Variants in ITGAE observed in about 807,000 individuals in gnomAD.
ITGAE encodes the protein integrin alpha-E.
In ITGAE, 99 loss-of-function variants were observed where a neutral mutation model predicts 136.5. That is an observed-to-expected ratio of 0.73 (90% CI 0.62 to 0.86). The LOEUF (loss-of-function observed/expected upper bound fraction) is 0.86, where lower values mean the gene tolerates loss of function less well. Among genes scored for constraint, ITGAE ranks in the 40% least tolerant of loss-of-function variants. The probability of loss-of-function intolerance (pLI) is 0.00; values close to 1 mark genes in which losing one functional copy is unlikely to be tolerated. For synonymous variants in ITGAE, 613 were observed against 591.8 expected, an observed-to-expected ratio of 1.04 and a Z score of -0.52; for missense variants, 1,447 against 1,515.3, an observed-to-expected ratio of 0.95 and a Z score of 0.75.
At chr17:3,797,140 A>AATATATAT (rs10538298) in intron 1 of ITGAE, among the ~76,000 whole-genome samples, 44 of 70,998 alleles carry the variant, frequency 6.2e-4, no homozygotes, top group East Asian at 1.9e-3. Flanking sequence ...CTGGAAACTA[A>AATATATAT]ATATATATAT....
rs751873559 is a variant in ITGAE, at chr17:3,761,495, C to T, written c.341G>A (p.Arg114Gln). Residue 114 changes from arginine (R) to glutamine (Q), a missense_variant, in exon 5 of 31, where the codon CGG becomes CAG. Around this residue, in one of 3 missense-constraint regions of ITGAE, gnomAD observed 310 missense variants for 416.1 expected, o/e 0.74. Coordinates refer to ENST00000263087, the MANE Select transcript of ITGAE (RefSeq NM_002208.5). ...GAGTTCTGAGCTGAGGCTGTGAGGC[C>T]GCCGGACCAGCACTTGAATGCATAT... ...VLICIQVLVR[R>Q]PHSLSSELTG... The T allele has an allele frequency of 2.7e-5, 43 of 1,613,692 alleles. No homozygotes were observed. The highest frequency in any genetic ancestry group is 8.3e-5 in the Admixed American group (5 of 59,956).
At chr17:3,778,572 A>G (rs1271671366) in intron 1 of ITGAE, among the ~76,000 whole-genome samples, 1 of 152,138 alleles carries the variant, frequency 6.6e-6, no homozygotes, top group African/African-American at 2.4e-5. Flanking sequence ...CAAAACAACA[A>G]CAACAAATAT....
chr17:3,795,568 G>A (rs989914675), intron 1 of ITGAE, among the ~76,000 whole-genome samples: 2 of 152,230 alleles, frequency 1.3e-5, no homozygotes, highest in Non-Finnish European at 1.5e-5. Context: ...GTTTATGCCC[G>A]ATTTCAAAGC....
Position 3,761,996 on chromosome 17 carries a change from G to A in ITGAE, c.248-14C>T. The A allele has an allele frequency of 6.2e-7, 1 of 1,612,250 alleles. No homozygotes were observed. Among genetic ancestry groups the A allele is most frequent in the East Asian group, 2.2e-5 (1 of 44,868 alleles). ...TGGGGACATGCTCTGAAAAAGTTAA[G>A]CCCAGGTGAGGAGGAGGAGGGGACT... On this transcript the variant is annotated splice_polypyrimidine_tract_variant and intron_variant, in intron 3 of 30. Coordinates refer to ENST00000263087, the MANE Select transcript of ITGAE (RefSeq NM_002208.5).
chr17:3,755,090 G>GCCCTCATCAGGTGGCCCCC, intron 12 of ITGAE, 27 bp downstream of exon 12: 10 of 1,416,506 alleles, frequency 7.1e-6, no homozygotes, highest in Non-Finnish European at 8.4e-6. Flanking sequence ...AGGTGGCCCC[G>GCCCTCATCAGGTGGCCCCC]CCCTCATCAG....
chr17:3,724,301 C>G lies in ITGAE; in HGVS notation c.3085-557G>C. 5 of 1,587,564 alleles carry G rather than the reference C, an allele frequency of 3.1e-6. 1 individual carries two copies. The South Asian group carries it at 4.5e-5, about 14-fold the overall frequency. On this transcript the variant is annotated intron_variant, in intron 26 of 30. Transcript: ENST00000263087. Reference sequence around the variant, plus strand: ...GACGCCTGGGGCTGCGAGCTCGGCCCCCGCAGAAGTGCAGCACACCCTGCG... The same window carrying G: ...GACGCCTGGGGCTGCGAGCTCGGCCGCCGCAGAAGTGCAGCACACCCTGCG...
chr17:3,753,974 G>T, intron 12 of ITGAE, 49 bp from the exon 13 acceptor site: 1 of 1,591,294 alleles, frequency 6.3e-7, no homozygotes, highest in Non-Finnish European at 8.6e-7. Flanking sequence ...CTCCCACCTG[G>T]CCTCTCTCTT....
rs138903195 is a variant in ITGAE, at chr17:3,778,329, G to A, written c.35-669C>T. On this transcript the variant is annotated intron_variant, in intron 1 of 30. Transcript: ENST00000263087. ...TGTAATCCCAGCACTTTGGGAGGCC[G>A]AGGCGGCTGGATCACTTGAGGTCAG... Among the ~76,000 whole-genome samples, 49 of 152,242 alleles carry A rather than the reference G, an allele frequency of 3.2e-4. 1 individual carries two copies. In the East Asian group the frequency reaches 7.9e-3, roughly 25 times the overall value.
chr17:3,761,472 GT>G lies in ITGAE; in HGVS notation c.363del (p.Glu121AspfsTer51). On this transcript the variant is annotated frameshift_variant, in exon 5 of 31. Transcript: ENST00000263087. LOFTEE classifies it high-confidence loss of function. ...CCCAGGAGGCTACAGGTGCCTGTGA[GT>G]TCTGAGCTGAGGCTGTGAGGCCGCC... ...LVRRPHSLSS[E>X]LTGTCSLLGP... 6.2e-7 allele frequency: 1 copy of G among 1,614,096 alleles called. No individual in the cohort carries two copies. The highest frequency in any genetic ancestry group is 8.5e-7 in the Non-Finnish European group (1 of 1,180,022).
intron 12 of ITGAE, among the ~76,000 whole-genome samples, chr17:3,754,359 C>A (rs990312779): frequency 6.6e-6 from 1 of 152,306 alleles, no homozygotes; most frequent in African/African-American, 2.4e-5. Flanking sequence ...GCAACCTCCC[C>A]CTCCCGGGTT....
Position 3,763,892 on chromosome 17 carries a change from TC to T in ITGAE, c.223del (p.Asp75MetfsTer8). 1 of 1,613,934 alleles carries T rather than the reference TC, an allele frequency of 6.2e-7. No individual in the cohort carries two copies. The highest frequency in any genetic ancestry group is 8.5e-7 in the Non-Finnish European group (1 of 1,179,980). On this transcript the variant is annotated frameshift_variant, in exon 3 of 31. Transcript: ENST00000263087. LOFTEE classifies it high-confidence loss of function. ...ACCTACAGGATGGCAAAGGATTTCA[TC>T]CTGGACAAGGGAACATCGATGGAGG... ...GPLHRCSLVQDEILCHPVEHV... is the reference protein window; with the variant it reads ...GPLHRCSLVQXEILCHPVEHV...
intron 28 of ITGAE, among the ~76,000 whole-genome samples, chr17:3,722,994 A>G (rs926651710): frequency 2.0e-5 from 3 of 152,178 alleles, no homozygotes; most frequent in Admixed American, 6.5e-5. Context: ...GAGAGAAGTG[A>G]ATGGGTTTAG....
chr17:3,743,642 G>A (rs745320357), intron 18 of ITGAE, 25 bp from the exon 19 acceptor site: 1 of 1,599,942 alleles, frequency 6.3e-7, no homozygotes. Context: ...CGGAAGGCAG[G>A]GTTAGAGTTG....
chr17:3,743,603 G>A lies in ITGAE; in HGVS notation c.2334C>T (p.Asp778=), dbSNP rs2051638086. ...MPTEGELCEE[D]CFSNASVKVS... is the part of the protein sequence containing the mutation. ...CTTTGACACTGGCATTGGAGAAGCAGTCCTCCTCACAGAGCTGTGGGGTCA... is the reference window on the plus strand; with the variant it reads ...CTTTGACACTGGCATTGGAGAAGCAATCCTCCTCACAGAGCTGTGGGGTCA... The change falls in exon 19 of 31, where the codon GAC becomes GAT. Residue 778 remains aspartate, a synonymous_variant. Coordinates refer to ENST00000263087, the MANE Select transcript of ITGAE (RefSeq NM_002208.5). The A allele has an allele frequency of 1.2e-6, 2 of 1,613,184 alleles. No individual in the cohort carries two copies. The highest frequency in any genetic ancestry group is 2.2e-5 in the East Asian group (1 of 44,870).
chr17:3,714,985 G>A (rs187535103), intron 30 of ITGAE, 43 bp from the exon 31 acceptor site: 10 of 1,208,176 alleles, frequency 8.3e-6, no homozygotes, highest in Admixed American at 7.1e-5. Flanking sequence ...GCCAAAGATA[G>A]CCATCTGTTT....
At position 3,760,430 on chromosome 17, in the gene ITGAE, C is replaced by CTTTTTTTTTTTT. The variant is rs1208333239; in HGVS notation, c.599-155_599-144dup. The CTTTTTTTTTTTT allele has an allele frequency of 3.2e-5, 2 of 63,232 alleles. 1 individual carries two copies. The highest frequency in any genetic ancestry group is 5.6e-5 in the Non-Finnish European group (2 of 35,516). The allele number at this position is 63,232 out of a possible 1,614,324, so 3.9% of individuals were successfully genotyped here. A position where few individuals can be genotyped will look rare whatever the true frequency, so the allele number is the denominator to read the frequency against. ...GTTGGAGAAGCTCCCAAGAGGGAAG[C>CTTTTTTTTTTTT]TTTTTTTTTTTTTTTTTTTTTTTTT... On this transcript the variant is annotated intron_variant, in intron 6 of 30. Transcript: ENST00000263087.
intron 1 of ITGAE, among the ~76,000 whole-genome samples, chr17:3,780,442 C>T (rs1227605025): frequency 6.6e-6 from 1 of 151,892 alleles, no homozygotes; most frequent in African/African-American, 2.4e-5. Flanking sequence ...GGATTACAGG[C>T]GTGAGCCACC....
chr17:3,733,078 G>A (rs559007292), intron 21 of ITGAE, among the ~76,000 whole-genome samples: 1 of 152,208 alleles, frequency 6.6e-6, no homozygotes, highest in East Asian at 1.9e-4. Context: ...CCACCTCCCG[G>A]GTTCAAGCAA....
Position 3,755,113 on chromosome 17 carries a change from T to C in ITGAE, c.1384+4A>G. On this transcript the variant is annotated splice_donor_region_variant and intron_variant, in intron 12 of 30. Coordinates refer to ENST00000263087, the MANE Select transcript of ITGAE (RefSeq NM_002208.5). ...CCGCCCTCATCAGGTGGCCCCGCCC[T>C]CACCCAGGTAGCTGTACTGCGCAGC... 3 of 1,550,278 alleles carry C rather than the reference T, an allele frequency of 1.9e-6. No individual in the cohort carries two copies. The highest frequency in any genetic ancestry group is 1.7e-6 in the Non-Finnish European group (2 of 1,147,674).
Sources: allele counts gnomAD v4.1 joint callset (sites outside exome capture counted in the v4.1 genomes callset), GRCh38; gene constraint gnomAD v4.1.1; regional missense constraint gnomAD v4.1.1; transcripts MANE v1.5; gene names NCBI Gene and HGNC (gene_info 2026-07-23, HGNC 2026-07-21).